Variants in POLR1A observed in about 807,000 individuals in gnomAD.
POLR1A encodes DNA-directed RNA polymerase I subunit RPA1.
A neutral mutation model predicts 205.3 loss-of-function variants in POLR1A; 84 were observed. The ratio of observed to expected loss-of-function variants is 0.41; its 90% CI spans 0.34 to 0.49. The LOEUF is 0.49. Ranked by LOEUF, POLR1A falls within the 20% of genes least tolerant of loss-of-function variation. POLR1A has a pLI of 0.22. For synonymous variants in POLR1A, 799 were observed against 863.7 expected (o/e 0.93, Z 1.31); for missense variants, 1,645 against 2,204.5 (o/e 0.75, Z 5.08).
Position 86,027,542 on chromosome 2 carries a change from C to T in POLR1A, c.5063-19G>A, listed in dbSNP as rs763500713. 3 of 1,595,236 alleles carry T rather than the reference C, an allele frequency of 1.9e-6. No homozygotes were observed. In the African/African-American group the frequency reaches 4.0e-5, roughly 21 times the overall value. On this transcript the variant is annotated intron_variant, in intron 33 of 33. Coordinates refer to ENST00000263857, the MANE Select transcript of POLR1A (RefSeq NM_015425.6). ...TGGGATCCTGACAGAGACACAAAAACATGTGTCAGGGTGTTGAGGTAGAAG... is the reference window on the plus strand; with the variant it reads ...TGGGATCCTGACAGAGACACAAAAATATGTGTCAGGGTGTTGAGGTAGAAG...
chr2:86,061,670 A>G (rs557285318), intron 14 of POLR1A, among the ~76,000 whole-genome samples: 1 of 152,382 alleles, frequency 6.6e-6, no homozygotes, highest in Admixed American at 6.5e-5. Flanking sequence ...ATGATGGCAT[A>G]TTCACATAAT....
intron 11 of POLR1A, among the ~76,000 whole-genome samples, chr2:86,076,233 T>C (rs940127982): frequency 6.6e-6 from 1 of 152,226 alleles, no homozygotes; most frequent in Non-Finnish European, 1.5e-5. Context: ...TGAGATGTCC[T>C]ACATAAAGGA....
chr2:86,067,290 C>T (rs1673097579), intron 13 of POLR1A, among the ~76,000 whole-genome samples: 1 of 152,194 alleles, frequency 6.6e-6, no homozygotes, highest in Non-Finnish European at 1.5e-5. Context: ...AATGACATTA[C>T]AATTAATGTC....
Position 86,027,320 on chromosome 2 carries a change from C to G in POLR1A, c.*103G>C. ...CTGTGCTCTGTACTGTCACTTGGAA[C>G]TGCCCTGGATTCCAGTCTCCTGGTC... On this transcript the variant is annotated 3_prime_UTR_variant, in exon 34 of 34. Coordinates refer to ENST00000263857, the MANE Select transcript of POLR1A (RefSeq NM_015425.6). 2.1e-6 allele frequency: 2 copies of G among 932,460 alleles called. No individual in the cohort carries two copies. Among genetic ancestry groups the G allele is most frequent in the African/African-American group, 1.6e-5 (1 of 62,276 alleles). The allele number at this position is 932,460 out of a possible 1,614,324, so 57.8% of individuals were successfully genotyped here. A position where few individuals can be genotyped will look rare whatever the true frequency, so the allele number is the denominator to read the frequency against.
intron 1 of POLR1A, among the ~76,000 whole-genome samples, chr2:86,104,742 C>T (rs1472706612): frequency 6.6e-6 from 1 of 152,164 alleles, no homozygotes. Flanking sequence ...CCACCGTGCC[C>T]GGCCATGTTG....
In POLR1A at chr2:86,081,595, T is replaced by A; in HGVS notation, c.923+6A>T. 6.5e-7 allele frequency: 1 copy of A among 1,527,588 alleles called. No homozygotes were observed. Among genetic ancestry groups the A allele is most frequent in the Non-Finnish European group, 9.0e-7 (1 of 1,112,980 alleles). 94.6% of individuals were successfully genotyped at this position (1,527,588 alleles called of 1,614,324 possible). A position where few individuals can be genotyped will look rare whatever the true frequency, so the allele number is the denominator to read the frequency against. On this transcript the variant is annotated splice_donor_region_variant and intron_variant, in intron 8 of 33. Coordinates refer to ENST00000263857, the MANE Select transcript of POLR1A (RefSeq NM_015425.6). ...CAGGTGAAATAAGTTAATTAAAGGG[T>A]ATTACCTTGAGGGCGGCACCACCAA...
rs1672582050 is a variant in POLR1A at position 86,040,548 on chromosome 2, A to G, written c.3584T>C (p.Leu1195Ser). The change falls in exon 25 of 34, where the codon TTG becomes TCG. Residue 1195 changes from leucine (L) to serine (S), a missense_variant. This residue lies in a region of POLR1A where 201 missense variants were observed against 222.3 expected (regional missense o/e 0.90). Transcript: ENST00000263857. ...SELSLDRLRT[L>S]LQLKWQRSLC... Reference sequence around the variant, plus strand: ...TGAGCGCTGCCACTTCAGCTGCAGCAAGGTCCTCAACCTAGAGACGGTGGT... The same window carrying G: ...TGAGCGCTGCCACTTCAGCTGCAGCGAGGTCCTCAACCTAGAGACGGTGGT... 1 of 1,583,512 alleles carries G rather than the reference A, an allele frequency of 6.3e-7. No homozygotes were observed. Among genetic ancestry groups the G allele is most frequent in the South Asian group, 1.1e-5 (1 of 87,758 alleles).
Position 86,048,756 on chromosome 2 carries a change from G to C in POLR1A, c.2634+128C>G. 3 of 787,238 alleles carry C rather than the reference G, an allele frequency of 3.8e-6. No homozygotes were observed. In the South Asian group the frequency reaches 5.1e-5, roughly 13 times the overall value. The allele number at this position is 787,238 out of a possible 1,614,324, so 48.8% of individuals were successfully genotyped here. A position where few individuals can be genotyped will look rare whatever the true frequency, so the allele number is the denominator to read the frequency against. ...CAACGAGTTCTACCCATCCCACCTC[G>C]CATCTCACCTAGTCAGCTGTTCAAC... On this transcript the variant is annotated intron_variant, in intron 18 of 33. Transcript: ENST00000263857.
intron 3 of POLR1A, among the ~76,000 whole-genome samples, chr2:86,091,089 T>C (rs1673592678): frequency 6.6e-6 from 1 of 152,102 alleles, no homozygotes; most frequent in Admixed American, 6.5e-5. Context: ...GACTATACTC[T>C]CAGGAACTAC....
At chr2:86,054,438 G>GA (rs1172099919) in intron 14 of POLR1A, 149 bp from the exon 15 acceptor site, 5 of 703,662 alleles carry the variant, frequency 7.1e-6, no homozygotes, top group Non-Finnish European at 1.2e-5. Context: ...GGTATGGCAA[G>GA]AAAAACAGAC....
At chr2:86,101,367 C>G (rs1475644020) in intron 1 of POLR1A, among the ~76,000 whole-genome samples, 15 of 152,134 alleles carry the variant, frequency 9.9e-5, no homozygotes, top group Admixed American at 9.8e-4. Context: ...CAATGTTAGT[C>G]TATCAGGAAC....
intron 6 of POLR1A, among the ~76,000 whole-genome samples, chr2:86,083,566 C>T (rs1042324790): frequency 6.6e-6 from 1 of 152,164 alleles, no homozygotes; most frequent in African/African-American, 2.4e-5. Flanking sequence ...AGCATGTCTG[C>T]ATGTTGCTAT....
In POLR1A at chr2:86,033,394, C is replaced by A. The variant is rs188885993; in HGVS notation, c.4161+267G>T. The stretch of plus-strand genomic sequence containing the variant: ...TCCTCAGGATGAAGACCACTTACAG[C>A]GGGCTCTTGGAGAGCAGAGCTATGA... On this transcript the variant is annotated intron_variant, in intron 28 of 33. Transcript: ENST00000263857. Among the ~76,000 whole-genome samples the A allele has an allele frequency of 3.5e-3, 535 of 152,362 alleles. 4 individuals are homozygous for A. The highest frequency in any genetic ancestry group is 6.8e-3 in the Middle Eastern group (2 of 294).
In POLR1A at chr2:86,042,117, T is replaced by G. The variant is rs762305959; in HGVS notation, c.3358-14A>C. 7 of 1,594,472 alleles carry G rather than the reference T, an allele frequency of 4.4e-6. No individual in the cohort carries two copies. Among genetic ancestry groups the G allele is most frequent in the Non-Finnish European group, 5.2e-6 (6 of 1,163,822 alleles). On this transcript the variant is annotated splice_polypyrimidine_tract_variant and intron_variant, in intron 23 of 33. Coordinates refer to ENST00000263857, the MANE Select transcript of POLR1A (RefSeq NM_015425.6). ...CATCCTCAGCATCTGAACAGAAGGA[T>G]GGGTCTCAGCTATGTGGGAGGGATA...
chr2:86,039,011 TCTG>T, intron 26 of POLR1A, 154 bp from the exon 27 acceptor site: 1 of 717,414 alleles, frequency 1.4e-6, no homozygotes, highest in South Asian at 1.8e-5. Context: ...CTGGTGTGGA[TCTG>T]CTGGGGGGCC....
At position 86,025,713 on chromosome 2, in the gene POLR1A, C is replaced by T. The variant is rs1672226552; in HGVS notation, c.*1710G>A. 6.6e-6 allele frequency: 1 copy of T among 152,260 alleles called. No individual in the cohort carries two copies. The highest frequency in any genetic ancestry group is 1.5e-5 in the Non-Finnish European group (1 of 68,068). 9.4% of individuals were successfully genotyped at this position (152,260 alleles called of 1,614,324 possible). On this transcript the variant is annotated 3_prime_UTR_variant, in exon 34 of 34. Transcript: ENST00000263857. ...ATCCACGGACCCTGTGCCACAGTCA[C>T]CAGGTTACTTTGTGATCTCCTTCAA...
Position 86,075,110 on chromosome 2 carries a change from C to A in POLR1A, c.1531G>T (p.Asp511Tyr), listed in dbSNP as rs1465455927. ...DGSRTALSAV[D>Y]MTQREAVAKQ... ...GCCACGGCCTCTCGCTGGGTCATGT[C>A]CACAGCGCTCAGGGCTGTGCGGCTG... The change falls in exon 12 of 34, where the codon GAC becomes TAC. Residue 511 changes from aspartate to tyrosine, a missense_variant. By Grantham distance (160) the Asp-to-Tyr change is radical. Coordinates refer to ENST00000263857, the MANE Select transcript of POLR1A (RefSeq NM_015425.6). 4 of 1,613,312 alleles carry A rather than the reference C, an allele frequency of 2.5e-6. No individual in the cohort carries two copies. The highest frequency in any genetic ancestry group is 3.4e-6 in the Non-Finnish European group (4 of 1,179,952).
intron 14 of POLR1A, among the ~76,000 whole-genome samples, chr2:86,058,882 T>C (rs1672947859): frequency 6.6e-6 from 1 of 152,038 alleles, no homozygotes. Context: ...TTTGGGAGGC[T>C]GAAGCTGGAG....
At chr2:86,065,180 C>A in intron 14 of POLR1A, 94 bp downstream of exon 14, 1 of 1,138,088 alleles carries the variant, frequency 8.8e-7, no homozygotes. Flanking sequence ...AGCCATTTCT[C>A]TGTCTCTGGT....
Sources: allele counts gnomAD v4.1 joint callset (sites outside exome capture counted in the v4.1 genomes callset), GRCh38; gene constraint gnomAD v4.1.1; regional missense constraint gnomAD v4.1.1; transcripts MANE v1.5; gene names NCBI Gene and HGNC (gene_info 2026-07-23, HGNC 2026-07-21).